Variants in DZIP3 observed in about 807,000 individuals in gnomAD.
DZIP3 encodes the protein DAZ interacting zinc finger protein 3.
In DZIP3, 118 loss-of-function variants were observed where a neutral mutation model predicts 162.0. The ratio of observed to expected loss-of-function variants is 0.73; its 90% CI spans 0.63 to 0.85. The LOEUF (loss-of-function observed/expected upper bound fraction) is 0.85. Ranked by LOEUF, DZIP3 falls within the 40% of genes least tolerant of loss-of-function variation. DZIP3 has a pLI of 0.00. For synonymous variants in DZIP3, 438 were observed against 458.6 expected (o/e 0.96, Z 0.57); for missense variants, 1,331 against 1,407.0 (o/e 0.95, Z 0.86).
At chr3:108,601,240 G>A (rs1314420619) in intron 1 of DZIP3, among the ~76,000 whole-genome samples, 3 of 152,106 alleles carry the variant, frequency 2.0e-5, no homozygotes, top group Non-Finnish European at 4.4e-5. Flanking sequence ...TTGCCACAAT[G>A]GGGCTGAGGT....
intron 27 of DZIP3, 99 bp from the exon 28 acceptor site, chr3:108,686,346 A>G (rs745853353): frequency 1.0e-4 from 120 of 1,145,392 alleles, no homozygotes; most frequent in Non-Finnish European, 1.4e-4. Context: ...TTGAATGTGT[A>G]TGCCAGTACG....
chr3:108,674,836 A>G (rs901544979), intron 24 of DZIP3, among the ~76,000 whole-genome samples: 28 of 152,018 alleles, frequency 1.8e-4, no homozygotes, highest in African/African-American at 5.1e-4. Flanking sequence ...GGACCCAGGC[A>G]TCATTATTTT....
intron 32 of DZIP3, among the ~76,000 whole-genome samples, chr3:108,692,028 A>ATTT (rs1174735209): frequency 6.6e-6 from 1 of 152,180 alleles, no homozygotes; most frequent in Non-Finnish European, 1.5e-5. Context: ...GTCCGCATAA[A>ATTT]TAAGCTCTTT....
intron 31 of DZIP3, among the ~76,000 whole-genome samples, chr3:108,690,060 T>G (rs1944635197): frequency 6.6e-6 from 1 of 152,232 alleles, no homozygotes; most frequent in Non-Finnish European, 1.5e-5. Context: ...CTTTGAAGTT[T>G]ATAAGGTTCT....
intron 19 of DZIP3, among the ~76,000 whole-genome samples, chr3:108,657,956 T>C (rs949413218): frequency 6.6e-6 from 1 of 152,206 alleles, no homozygotes; most frequent in Non-Finnish European, 1.5e-5. Flanking sequence ...TAAATATATA[T>C]GCACCCAATA....
rs958953691 is a variant in DZIP3 at position 108,589,803 on chromosome 3, A to G, written c.-109A>G. The G allele has an allele frequency of 7.0e-5, 11 of 157,448 alleles. No individual in the cohort carries two copies. Among genetic ancestry groups the G allele is most frequent in the South Asian group, 1.5e-4 (1 of 6,550 alleles). The allele number at this position is 157,448 out of a possible 1,614,324, so 9.8% of individuals were successfully genotyped here. On this transcript the variant is annotated 5_prime_UTR_variant, in exon 1 of 33. Coordinates refer to ENST00000361582, the MANE Select transcript of DZIP3 (RefSeq NM_014648.4). ...GTTTTTCGTTTGTGCGTCATCCTCTACCTGAGAAATGGTCGCTTGCCCCTA... is the reference window on the plus strand; with the variant it reads ...GTTTTTCGTTTGTGCGTCATCCTCTGCCTGAGAAATGGTCGCTTGCCCCTA...
At chr3:108,620,804 C>G (rs1941293487) in intron 5 of DZIP3, among the ~76,000 whole-genome samples, 1 of 151,826 alleles carries the variant, frequency 6.6e-6, no homozygotes, top group African/African-American at 2.4e-5. Context: ...TTTAAAAGAT[C>G]ATTGTTTTTG....
chr3:108,684,441 A>G, intron 27 of DZIP3, 100 bp downstream of exon 27: 1 of 1,390,032 alleles, frequency 7.2e-7, no homozygotes, highest in African/African-American at 1.5e-5. Context: ...ATTTGATATG[A>G]TAATGATGGG....
At chr3:108,635,074 G>T in intron 10 of DZIP3, 102 bp downstream of exon 10, 5 of 627,800 alleles carry the variant, frequency 8.0e-6, no homozygotes, top group South Asian at 2.6e-5. Context: ...CTTCCCTCCT[G>T]CTTTTTACTT....
intron 32 of DZIP3, 90 bp downstream of exon 32, chr3:108,690,993 T>A: frequency 9.6e-7 from 1 of 1,046,170 alleles, no homozygotes; most frequent in Middle Eastern, 2.6e-4. Context: ...TTCAATATAG[T>A]GCTAAAGAAG....
At chr3:108,631,057 T>TACA (rs1373144207) in intron 8 of DZIP3, among the ~76,000 whole-genome samples, 52 of 39,872 alleles carry the variant, frequency 1.3e-3, no homozygotes, top group South Asian at 2.1e-3. Context: ...ACACACACAC[T>TACA]CTCTCTCTCT....
chr3:108,650,277 T>A (rs1483600087), intron 17 of DZIP3, among the ~76,000 whole-genome samples: 2 of 151,794 alleles, frequency 1.3e-5, no homozygotes, highest in Non-Finnish European at 3.0e-5. Context: ...ACCAAAAGTC[T>A]TTTCAACTCA....
chr3:108,596,458 A>G (rs2107436819), intron 1 of DZIP3, among the ~76,000 whole-genome samples: 1 of 152,306 alleles, frequency 6.6e-6, no homozygotes, highest in Admixed American at 6.5e-5. Flanking sequence ...GAACTCCCTG[A>G]TATTTAAGTA....
intron 26 of DZIP3, among the ~76,000 whole-genome samples, chr3:108,678,745 A>C (rs1057384412): frequency 6.6e-6 from 1 of 152,066 alleles, no homozygotes; most frequent in Non-Finnish European, 1.5e-5. Context: ...CAGTAGGAAG[A>C]GAGGAAAAGT....
chr3:108,601,182 A>G (rs771241408), intron 1 of DZIP3, among the ~76,000 whole-genome samples: 6 of 152,098 alleles, frequency 3.9e-5, no homozygotes, highest in Non-Finnish European at 8.8e-5. Context: ...AATGGAGAGT[A>G]ATTTTATGCC....
In DZIP3 at chr3:108,611,194, A is replaced by G; in HGVS notation, c.123A>G (p.Ile41Met). The G allele has an allele frequency of 6.3e-7, 1 of 1,595,594 alleles. No homozygotes were observed. Among genetic ancestry groups the G allele is most frequent in the Non-Finnish European group, 8.5e-7 (1 of 1,175,686 alleles). Reference protein sequence around the residue: ...SGQLNKQENDIPTDLVPVNLL... With the variant: ...SGQLNKQENDMPTDLVPVNLL... ...TCTAGAACAAACAGGAAAATGACAT[A>G]CCTACTGATCTTGTCCCTGTTAACC... Residue 41 changes from isoleucine (I) to methionine (M), a missense_variant, in exon 4 of 33, where the codon ATA becomes ATG. Ile to Met is a conservative substitution (Grantham distance 10). This residue lies in a region of DZIP3 where 1,278 missense variants were observed against 1,317.1 expected (regional missense o/e 0.97). Transcript: ENST00000361582.
In DZIP3 at chr3:108,690,897, A is replaced by T; in HGVS notation, c.3627A>T (p.Ter1209CysextTer9). 6.2e-7 allele frequency: 1 copy of T among 1,614,014 alleles called. No individual in the cohort carries two copies. The highest frequency in any genetic ancestry group is 2.2e-5 in the East Asian group (1 of 44,872). Residue 1209 changes from the stop codon to cysteine (C), a stop_lost, in exon 32 of 33, where the codon TGA (stop) becomes TGT (cysteine). Transcript: ENST00000361582. ...GHPSRQLPKI[*>C] ...CCAGCCGGCAGTTGCCCAAGATCTGATACAAGGTCGGGGTGTCTATGCAAA... is the reference window on the plus strand; with the variant it reads ...CCAGCCGGCAGTTGCCCAAGATCTGTTACAAGGTCGGGGTGTCTATGCAAA...
At chr3:108,632,620 A>G (rs1941941483) in intron 8 of DZIP3, among the ~76,000 whole-genome samples, 1 of 152,190 alleles carries the variant, frequency 6.6e-6, no homozygotes, top group East Asian at 1.9e-4. Context: ...TGTATATAGT[A>G]GAGCAAATAA....
chr3:108,666,007 G>A (rs1943659512), intron 21 of DZIP3, among the ~76,000 whole-genome samples: 1 of 152,066 alleles, frequency 6.6e-6, no homozygotes, highest in African/African-American at 2.4e-5. Flanking sequence ...GTAGAAGCTT[G>A]AGACTTCAGA....
Sources: allele counts gnomAD v4.1 joint callset (sites outside exome capture counted in the v4.1 genomes callset), GRCh38; gene constraint gnomAD v4.1.1; regional missense constraint gnomAD v4.1.1; transcripts MANE v1.5; gene names NCBI Gene and HGNC (gene_info 2026-07-23, HGNC 2026-07-21).